The following PGR variants were observed in gnomAD, a reference collection of about 807,000 sequenced individuals.
PGR encodes the protein progesterone receptor.
PGR carries 25 observed loss-of-function variants against 76.1 expected under a neutral mutation model. The observed-to-expected ratio is 0.33, with a 90% confidence interval of 0.24 to 0.46. The LOEUF is 0.46. PGR is among the 20% of genes least tolerant of loss of function. The pLI is 1.00. For synonymous variants in PGR, 579 were observed against 535.0 expected (o/e 1.08, Z -1.14); for missense variants, 1,172 against 1,225.3 (o/e 0.96, Z 0.65).
At position 101,129,402 on chromosome 11, in the gene PGR, G is replaced by T; in HGVS notation, c.-332C>A. 1 of 315,280 alleles carries T rather than the reference G, an allele frequency of 3.2e-6. No individual in the cohort carries two copies. Among genetic ancestry groups the T allele is most frequent in the Non-Finnish European group, 5.8e-6 (1 of 170,998 alleles). 19.5% of individuals were successfully genotyped at this position (315,280 alleles called of 1,614,324 possible). On this transcript the variant is annotated 5_prime_UTR_variant, in exon 1 of 8. Transcript: ENST00000325455. ...CAAGAGAGTTCTCCAACTTCTGTCCGAGGACTGGAGACGCAGAGTACTCAC... is the reference window on the plus strand; with the variant it reads ...CAAGAGAGTTCTCCAACTTCTGTCCTAGGACTGGAGACGCAGAGTACTCAC...
In PGR at chr11:101,039,215, C is replaced by G. The variant is rs1366016930; in HGVS notation, c.2703G>C (p.Leu901=). The G allele has an allele frequency of 6.2e-6, 10 of 1,611,624 alleles. No individual in the cohort carries two copies. In the Middle Eastern group the frequency reaches 1.5e-3, roughly 240 times the overall value. ...CLNTFIQSRA[L]SVEFPEMMSE... is the part of the protein sequence containing the mutation. The stretch of plus-strand genomic sequence containing the variant: ...ACATCATTTCTGGAAATTCAACACT[C>G]AGTGCCCGGGACTGGATAAATGTAT... The change falls in exon 8 of 8, where the codon CTG becomes CTC. Residue 901 remains leucine, a synonymous_variant. Transcript: ENST00000325455.
chr11:101,091,448 G>A (rs1861670514), intron 3 of PGR, among the ~76,000 whole-genome samples: 1 of 152,182 alleles, frequency 6.6e-6, no homozygotes, highest in South Asian at 2.1e-4. Flanking sequence ...CACAGGAGAT[G>A]GGCAGCAAAG....
intron 2 of PGR, among the ~76,000 whole-genome samples, chr11:101,119,953 A>G (rs745842205): frequency 3.9e-5 from 6 of 152,198 alleles, no homozygotes; most frequent in Non-Finnish European, 7.4e-5. Flanking sequence ...CAGAACCTCC[A>G]CCTCAAAGGA....
chr11:101,128,510 C>T lies in PGR; in HGVS notation c.561G>A (p.Arg187=), dbSNP rs36055552. 1.9e-3 allele frequency: 3,051 copies of T among 1,603,588 alleles called. 28 individuals carry two copies. The African/African-American group carries it at 0.023, about 12-fold the overall frequency. The change falls in exon 1 of 8, where the codon CGG becomes CGA. Residue 187 remains arginine, a synonymous_variant. Transcript: ENST00000325455. ...GTAAAHKVLP[R]GLSPARQLLL... The stretch of plus-strand genomic sequence containing the variant: ...GCAGCTGCCGGGCTGGTGACAGGCC[C>T]CGGGGCAGCACTTTATGGGCAGCTG...
chr11:101,101,047 C>T (rs1048038267), intron 2 of PGR, among the ~76,000 whole-genome samples: 6 of 152,134 alleles, frequency 3.9e-5, no homozygotes, highest in Admixed American at 1.3e-4. Flanking sequence ...CGAACCAGAG[C>T]TCCTTGGGGA....
chr11:101,103,166 G>A (rs1488209461), intron 2 of PGR, among the ~76,000 whole-genome samples: 1 of 151,976 alleles, frequency 6.6e-6, no homozygotes, highest in Non-Finnish European at 1.5e-5. Context: ...AGTTCAAGGA[G>A]TGAAATGGTG....
intron 3 of PGR, among the ~76,000 whole-genome samples, chr11:101,076,919 A>ATTTTT (rs59106149): frequency 2.3e-4 from 15 of 65,156 alleles, no homozygotes; most frequent in Non-Finnish European, 4.0e-4. Flanking sequence ...TACAAATGGA[A>ATTTTT]TTTTTTTTTT....
Position 101,128,583 on chromosome 11 carries a change from G to T in PGR, c.488C>A (p.Pro163Gln), listed in dbSNP as rs1359610837. Reference sequence around the variant, plus strand: ...CTTGCACCCGGACCGGCTCATGAGCGGGGACAACACCCGCTGGGTGGCGGG... The same window carrying T: ...CTTGCACCCGGACCGGCTCATGAGCTGGGACAACACCCGCTGGGTGGCGGG... ...AAPATQRVLS[P>Q]LMSRSGCKVG... is the part of the protein sequence containing the mutation. Residue 163 changes from proline (P) to glutamine (Q), a missense_variant, in exon 1 of 8, where the codon CCG (proline) becomes CAG (glutamine). Coordinates refer to ENST00000325455, the MANE Select transcript of PGR (RefSeq NM_000926.4). 6.3e-6 allele frequency: 10 copies of T among 1,595,654 alleles called. No homozygotes were observed. The highest frequency in any genetic ancestry group is 8.5e-6 in the Non-Finnish European group (10 of 1,173,798).
At chr11:101,100,305 G>C (rs963775297) in intron 2 of PGR, among the ~76,000 whole-genome samples, 14 of 152,134 alleles carry the variant, frequency 9.2e-5, no homozygotes, top group Non-Finnish European at 2.9e-5. Flanking sequence ...TCTCTCTCCT[G>C]CTGCCTTGTA....
At chr11:101,071,730 G>T (rs1163756933) in intron 3 of PGR, among the ~76,000 whole-genome samples, 1 of 151,816 alleles carries the variant, frequency 6.6e-6, no homozygotes, top group African/African-American at 2.4e-5. Context: ...GGATATCAGA[G>T]ATTGAAGATC....
intron 4 of PGR, among the ~76,000 whole-genome samples, chr11:101,060,002 C>T (rs1422201333): frequency 6.6e-5 from 10 of 152,052 alleles, no homozygotes; most frequent in Admixed American, 5.9e-4. Flanking sequence ...AATAAGAATT[C>T]TTAGGGCACC....
intron 3 of PGR, among the ~76,000 whole-genome samples, chr11:101,074,214 A>G (rs937008654): frequency 9.2e-5 from 14 of 152,174 alleles, no homozygotes; most frequent in African/African-American, 2.7e-4. Flanking sequence ...AAACAGAACC[A>G]ATGACAAAAA....
intron 3 of PGR, among the ~76,000 whole-genome samples, chr11:101,079,303 G>A (rs181189685): frequency 1.1e-4 from 16 of 152,032 alleles, no homozygotes; most frequent in Admixed American, 3.3e-4. Flanking sequence ...AAAAGCTTCC[G>A]CACAGCAAAG....
Position 101,085,525 on chromosome 11 carries a change from T to TAAAAAAAAAAAAAAA in PGR, c.1906+6220_1906+6234dup, listed in dbSNP as rs1212568882. On this transcript the variant is annotated intron_variant, in intron 3 of 7. Coordinates refer to ENST00000325455, the MANE Select transcript of PGR (RefSeq NM_000926.4). ...GACCTAACATCACACCTAGAGGAAC[T>TAAAAAAAAAAAAAAA]AAAAAAAAAAAAAAAAAAAAAAAAA... Among the ~76,000 whole-genome samples, 185 of 42,260 alleles carry TAAAAAAAAAAAAAAA rather than the reference T, an allele frequency of 4.4e-3. 2 individuals are homozygous for TAAAAAAAAAAAAAAA. Among genetic ancestry groups the TAAAAAAAAAAAAAAA allele is most frequent in the Non-Finnish European group, 5.3e-3 (137 of 25,754 alleles). The allele number at this position is 42,260 out of a possible 152,430, so 27.7% of individuals were successfully genotyped here. A position where few individuals can be genotyped will look rare whatever the true frequency, so the allele number is the denominator to read the frequency against.
At position 101,032,321 on chromosome 11, in the gene PGR, T is replaced by C. The variant is rs1171233160; in HGVS notation, c.*6795A>G. On this transcript the variant is annotated 3_prime_UTR_variant, in exon 8 of 8. Coordinates refer to ENST00000325455, the MANE Select transcript of PGR (RefSeq NM_000926.4). ...AAAAATGTTCTCCCTGCTTCCAGGA[T>C]TAGTCATCTCCAACTTTATTCTCCA... 3 of 232,768 alleles carry C rather than the reference T, an allele frequency of 1.3e-5. No individual in the cohort carries two copies. Among genetic ancestry groups the C allele is most frequent in the Non-Finnish European group, 2.5e-5 (3 of 117,860 alleles). 14.4% of individuals were successfully genotyped at this position (232,768 alleles called of 1,614,324 possible).
chr11:101,059,774 T>A (rs35316058), intron 4 of PGR, among the ~76,000 whole-genome samples: 4 of 139,136 alleles, frequency 2.9e-5, no homozygotes, highest in African/African-American at 1.1e-4. Flanking sequence ...GACCAAGAGG[T>A]CCAGGCTGCA....
chr11:101,076,307 G>C (rs1861126414), intron 3 of PGR, among the ~76,000 whole-genome samples: 1 of 146,848 alleles, frequency 6.8e-6, no homozygotes, highest in African/African-American at 2.5e-5. Context: ...CACACACAGG[G>C]ATCTGTCGGG....
At position 101,035,296 on chromosome 11, in the gene PGR, T is replaced by TAA. The variant is rs140384406; in HGVS notation, c.*3818_*3819dup. The TAA allele has an allele frequency of 0.013, 3,061 of 229,004 alleles. 40 individuals carry two copies. Among genetic ancestry groups the TAA allele is most frequent in the South Asian group, 0.022 (123 of 5,500 alleles). 14.2% of individuals were successfully genotyped at this position (229,004 alleles called of 1,614,324 possible). A position where few individuals can be genotyped will look rare whatever the true frequency, so the allele number is the denominator to read the frequency against. On this transcript the variant is annotated 3_prime_UTR_variant, in exon 8 of 8. Coordinates refer to ENST00000325455, the MANE Select transcript of PGR (RefSeq NM_000926.4). ...TCTTATGCACATGGCTCTGGAGTTG[T>TAA]AAAAGTTTTTAAAATGATTCATATT... is the stretch of plus-strand genomic sequence containing the variant.
intron 2 of PGR, among the ~76,000 whole-genome samples, chr11:101,100,052 T>C (rs1450858876): frequency 6.6e-6 from 1 of 152,192 alleles, no homozygotes; most frequent in Non-Finnish European, 1.5e-5. Flanking sequence ...GCATAATGCT[T>C]CCCTGGGCAT....
Sources: gnomAD v4.1 joint callset for allele counts (sites outside exome capture counted in the v4.1 genomes callset) on GRCh38, gnomAD v4.1.1 for gene constraint, MANE v1.5 for transcripts, NCBI Gene and HGNC (gene_info 2026-07-23, HGNC 2026-07-21) for gene names.